Variants in MPPE1 observed in about 807,000 individuals in gnomAD.
The protein encoded by MPPE1 is metallophosphoesterase 1.
MPPE1 carries 28 observed loss-of-function variants against 43.8 expected under a neutral mutation model. The observed-to-expected ratio is 0.64, with a 90% confidence interval of 0.47 to 0.88. MPPE1 has a LOEUF of 0.88. MPPE1 is among the 40% of genes least tolerant of loss of function. The pLI is 0.00. For synonymous variants in MPPE1, 159 were observed against 188.5 expected (o/e 0.84, Z 1.28); for missense variants, 428 against 492.2 (o/e 0.87, Z 1.23).
chr18:11,884,971 G>A (rs1489493663), intron 10 of MPPE1: 2 of 1,303,944 alleles, frequency 1.5e-6, no homozygotes, highest in African/African-American at 1.5e-5. Flanking sequence ...GAGTTCCAGG[G>A]TCATCGGTCA....
chr18:11,902,214 G>C (rs1367202727), intron 2 of MPPE1: 1 of 130,772 alleles, frequency 7.6e-6, no homozygotes, highest in Non-Finnish European at 1.5e-5. Context: ...TGTGCTGCCT[G>C]TGCTTACTCT....
At position 11,884,453 on chromosome 18, in the gene MPPE1, T is replaced by C; in HGVS notation, c.1183A>G (p.Thr395Ala). The change falls in exon 11 of 11, where the codon ACA (threonine) becomes GCA (alanine). Residue 395 changes from threonine to alanine, a missense_variant. Physicochemically the swap from Thr to Ala is moderately conservative, Grantham distance 58. Around this residue, in one of 3 missense-constraint regions of MPPE1, gnomAD observed 379 missense variants for 402.5 expected, o/e 0.94. Transcript: ENST00000588072. The stretch of plus-strand genomic sequence containing the variant: ...ATAATGGCGCCTGCTCTTCATCTTG[T>C]CTTACGCTTTCCGAGCAAGTTCAAA... Reference protein sequence around the residue: ...SGLNLLGKRKTR With the variant: ...SGLNLLGKRKAR 6.2e-7 allele frequency: 1 copy of C among 1,614,028 alleles called. No homozygotes were observed. The highest frequency in any genetic ancestry group is 8.5e-7 in the Non-Finnish European group (1 of 1,179,942).
In MPPE1 at chr18:11,908,282, A is replaced by T. The variant is rs2039911748; in HGVS notation, c.-281T>A. ...GGTGCGGGAGCCCTTTCACCAGGGC[A>T]GGGTGGCTTCGGTGGCCGAGGGACC... On this transcript the variant is annotated 5_prime_UTR_variant, in exon 1 of 11. Coordinates refer to ENST00000588072, the MANE Select transcript of MPPE1 (RefSeq NM_023075.6). The T allele has an allele frequency of 6.6e-6, 1 of 152,300 alleles. No homozygotes were observed. The highest frequency in any genetic ancestry group is 2.4e-5 in the African/African-American group (1 of 41,478). 9.4% of individuals were successfully genotyped at this position (152,300 alleles called of 1,614,324 possible). A position where few individuals can be genotyped will look rare whatever the true frequency, so the allele number is the denominator to read the frequency against.
chr18:11,885,718 T>C lies in MPPE1; in HGVS notation c.966A>G (p.Pro322=), dbSNP rs1410301374. Residue 322 remains proline (P), a synonymous_variant, in exon 10 of 11, where the codon CCA becomes CCG. Coordinates refer to ENST00000588072, the MANE Select transcript of MPPE1 (RefSeq NM_023075.6). The part of the protein sequence containing the change: ...HGGRVPELSV[P]SFSWRNRNNP... The stretch of plus-strand genomic sequence containing the variant: ...TGTTTCTGTTCCTCCAACTGAAAGA[T>C]GGGACGCTGAGCTCGGGGACTCGGC... The C allele has an allele frequency of 1.9e-6, 3 of 1,614,006 alleles. No homozygotes were observed. Among genetic ancestry groups the C allele is most frequent in the African/African-American group, 1.3e-5 (1 of 75,058 alleles).
chr18:11,903,604 A>T (rs1467742112), intron 2 of MPPE1, among the ~76,000 whole-genome samples: 3 of 152,200 alleles, frequency 2.0e-5, no homozygotes, highest in African/African-American at 7.2e-5. Context: ...TAGGAGATCG[A>T]GACCATCCTG....
intron 2 of MPPE1, among the ~76,000 whole-genome samples, chr18:11,901,084 AC>A (rs1162216874): frequency 6.6e-6 from 1 of 152,152 alleles, no homozygotes; most frequent in Non-Finnish European, 1.5e-5. Flanking sequence ...GGTATGTGGT[AC>A]TATTAAGTAT....
At chr18:11,903,545 G>A (rs547217150) in intron 2 of MPPE1, among the ~76,000 whole-genome samples, 1 of 152,214 alleles carries the variant, frequency 6.6e-6, no homozygotes, top group African/African-American at 2.4e-5. Context: ...GGTGGCTCAC[G>A]CCTGTAATCC....
At chr18:11,897,445 T>A in intron 2 of MPPE1, 89 bp from the exon 3 acceptor site, 1 of 592,652 alleles carries the variant, frequency 1.7e-6, no homozygotes, top group East Asian at 2.8e-5. Context: ...AGTTACATAA[T>A]CCTATCTACA....
At chr18:11,894,604 T>G (rs2144483095) in intron 3 of MPPE1, among the ~76,000 whole-genome samples, 1 of 152,280 alleles carries the variant, frequency 6.6e-6, no homozygotes, top group East Asian at 1.9e-4. Context: ...TTTATTTATT[T>G]TTTGAGATGC....
chr18:11,891,227 A>C (rs2037963748), intron 4 of MPPE1: 1 of 152,240 alleles, frequency 6.6e-6, no homozygotes, highest in Non-Finnish European at 1.5e-5. Flanking sequence ...TAATCCCAGC[A>C]CTTTGGGAGG....
At position 11,893,180 on chromosome 18, in the gene MPPE1, C is replaced by T. The variant is rs1203529988; in HGVS notation, c.390+288G>A. 10 of 334,584 alleles carry T rather than the reference C, an allele frequency of 3.0e-5. 1 individual carries two copies. The highest frequency in any genetic ancestry group is 1.7e-3 in the Middle Eastern group (2 of 1,148). 20.7% of individuals were successfully genotyped at this position (334,584 alleles called of 1,614,324 possible). A position where few individuals can be genotyped will look rare whatever the true frequency, so the allele number is the denominator to read the frequency against. On this transcript the variant is annotated intron_variant, in intron 4 of 10. Coordinates refer to ENST00000588072, the MANE Select transcript of MPPE1 (RefSeq NM_023075.6). ...CCGTTTCTCCCTTTCCCAAGAGGTT[C>T]ACAAAACAGTGTATTCCAACTAAAT...
At chr18:11,907,954 G>C (rs960247758) in intron 1 of MPPE1, 1 of 151,764 alleles carries the variant, frequency 6.6e-6, no homozygotes, top group African/African-American at 2.4e-5. Context: ...CATCAACTGC[G>C]ACTTGCATTT....
chr18:11,893,628 C>G (rs1567949829), intron 3 of MPPE1, 52 bp from the exon 4 acceptor site: 1 of 1,441,170 alleles, frequency 6.9e-7, no homozygotes, highest in Non-Finnish European at 9.8e-7. Flanking sequence ...TAGGTGGAGG[C>G]TACTTCTGTA....
chr18:11,902,049 A>T (rs1186809004), intron 2 of MPPE1, among the ~76,000 whole-genome samples: 1 of 152,186 alleles, frequency 6.6e-6, no homozygotes, highest in Non-Finnish European at 1.5e-5. Context: ...CTTTTCTCTA[A>T]GGCAAACCAC....
At chr18:11,893,411 G>A in intron 4 of MPPE1, 57 bp downstream of exon 4, 1 of 1,216,134 alleles carries the variant, frequency 8.2e-7, no homozygotes, top group Non-Finnish European at 1.2e-6. Flanking sequence ...GGATTCTCTG[G>A]GATACTTGTG....
intron 2 of MPPE1, among the ~76,000 whole-genome samples, chr18:11,899,950 C>T (rs1042791949): frequency 6.6e-6 from 1 of 151,900 alleles, no homozygotes; most frequent in Non-Finnish European, 1.5e-5. Context: ...AGTGGCTCAC[C>T]CCTGTAATCC....
At chr18:11,896,272 T>C (rs1032055831) in intron 3 of MPPE1, among the ~76,000 whole-genome samples, 2 of 152,016 alleles carry the variant, frequency 1.3e-5, no homozygotes, top group African/African-American at 4.8e-5. Flanking sequence ...CAGCTAATTT[T>C]TCTATTTTTA....
At chr18:11,906,704 A>G (rs2039747990) in intron 1 of MPPE1, among the ~76,000 whole-genome samples, 1 of 151,864 alleles carries the variant, frequency 6.6e-6, no homozygotes, top group Non-Finnish European at 1.5e-5. Flanking sequence ...AAAAATACAA[A>G]ATCAGCCAGG....
At chr18:11,907,899 T>C (rs766986308) in intron 1 of MPPE1, 6 of 152,144 alleles carry the variant, frequency 3.9e-5, no homozygotes, top group Non-Finnish European at 8.8e-5. Context: ...CACTGACCTG[T>C]AGTTTTTCTC....
Sources: gnomAD v4.1 joint callset for allele counts (sites outside exome capture counted in the v4.1 genomes callset) on GRCh38, gnomAD v4.1.1 for gene constraint, gnomAD v4.1.1 regional missense constraint, MANE v1.5 for transcripts, NCBI Gene and HGNC (gene_info 2026-07-23, HGNC 2026-07-21) for gene names.